LRGUK: variants seen among roughly 807,000 people sequenced by gnomAD.
LRGUK encodes the protein leucine-rich repeat and guanylate kinase domain-containing protein.
Under a neutral mutation model 76.0 loss-of-function variants are expected in LRGUK, and 65 were observed. That is an observed-to-expected ratio of 0.85 (90% CI 0.70 to 1.05). The LOEUF (loss-of-function observed/expected upper bound fraction) is 1.05, where lower values mean the gene tolerates loss of function less well. Among genes scored for constraint, LRGUK ranks in the 50% least tolerant of loss-of-function variants. The pLI is 0.00. For missense variants in LRGUK, 758 were observed against 732.8 expected (o/e 1.03, Z -0.40); for synonymous variants, 268 against 265.6 (o/e 1.01, Z -0.09).
At chr7:134,152,935 G>A (rs1301080168) in intron 5 of LRGUK, among the ~76,000 whole-genome samples, 1 of 133,884 alleles carries the variant, frequency 7.5e-6, no homozygotes, top group South Asian at 2.3e-4. Flanking sequence ...ATATAATTTA[G>A]GCATAAAACT....
chr7:134,167,951 C>T (rs893609088), intron 7 of LRGUK, among the ~76,000 whole-genome samples: 2 of 152,150 alleles, frequency 1.3e-5, no homozygotes, highest in African/African-American at 4.8e-5. Flanking sequence ...ATTCTAGTTT[C>T]ACATCTGTTA....
downstream of LRGUK, chr7:134,210,259 T>G (rs1331484558): frequency 5.0e-6 from 2 of 398,846 alleles, no homozygotes; most frequent in Non-Finnish European, 8.8e-6. Context: ...TAAGCTAGTA[T>G]TTCAGTGTGT....
intron 7 of LRGUK, among the ~76,000 whole-genome samples, chr7:134,171,154 TC>T (rs895677314): frequency 9.2e-5 from 14 of 151,452 alleles, no homozygotes; most frequent in African/African-American, 3.4e-4. Context: ...TTTTTCTTTT[TC>T]CCCCTTCTTA....
chr7:134,274,886 C>T, the LRGUK span, among the ~76,000 whole-genome samples: 1 of 152,036 alleles, frequency 6.6e-6, no homozygotes, highest in Non-Finnish European at 1.5e-5. Flanking sequence ...TTCTTTAACT[C>T]AATTCAAATC....
At chr7:134,200,004 A>C (rs1274347177) in intron 14 of LRGUK, among the ~76,000 whole-genome samples, 7 of 127,824 alleles carry the variant, frequency 5.5e-5, no homozygotes, top group African/African-American at 2.0e-4. Context: ...ATATATATAT[A>C]TATATATATA....
chr7:134,133,820 G>A (rs565665042), intron 1 of LRGUK, among the ~76,000 whole-genome samples: 12 of 152,170 alleles, frequency 7.9e-5, no homozygotes, highest in Non-Finnish European at 1.5e-4. Flanking sequence ...AGCACTTTGG[G>A]AGGCGGAAGT....
At chr7:134,249,412 ATGT>A (rs1424031828) in intron 18 of LRGUK, among the ~76,000 whole-genome samples, 1 of 152,070 alleles carries the variant, frequency 6.6e-6, no homozygotes, top group Non-Finnish European at 1.5e-5. Flanking sequence ...GCAGGCAATG[ATGT>A]TCTGCTAATC....
intron 5 of LRGUK, 60 bp downstream of exon 5, chr7:134,148,379 A>G (rs1585437547): frequency 2.1e-6 from 2 of 972,930 alleles, no homozygotes; most frequent in Non-Finnish European, 3.1e-6. Context: ...TAAAGACTAC[A>G]TATTCAAGAA....
intron 11 of LRGUK, among the ~76,000 whole-genome samples, chr7:134,190,172 TGTCA>T (rs1800140937): frequency 2.6e-5 from 4 of 152,170 alleles, no homozygotes; most frequent in Admixed American, 6.5e-5. Context: ...TGAAATAACA[TGTCA>T]AGTGTCTAGC....
chr7:134,160,383 C>T (rs1798673065), intron 6 of LRGUK, among the ~76,000 whole-genome samples: 1 of 152,144 alleles, frequency 6.6e-6, no homozygotes, highest in Non-Finnish European at 1.5e-5. Flanking sequence ...AACTAGAATA[C>T]ACAGAATATA....
intron 10 of LRGUK, among the ~76,000 whole-genome samples, chr7:134,182,045 C>T (rs1399049052): frequency 1.3e-5 from 2 of 152,182 alleles, no homozygotes; most frequent in African/African-American, 2.4e-5. Flanking sequence ...TAATCTGTCC[C>T]TGTCTCTATC....
intron 16 of LRGUK, among the ~76,000 whole-genome samples, chr7:134,242,828 A>C (rs1370655784): frequency 6.6e-6 from 1 of 152,222 alleles, no homozygotes; most frequent in Non-Finnish European, 1.5e-5. Context: ...AACCAAATTC[A>C]GCAGCACCTC....
chr7:134,211,445 T>C (rs1046012512), downstream of LRGUK, among the ~76,000 whole-genome samples: 1 of 152,228 alleles, frequency 6.6e-6, no homozygotes, highest in Admixed American at 6.5e-5. Context: ...AAAGAACTTT[T>C]GAGACAGGAA....
At chr7:134,240,815 T>C (rs1033824884) in intron 16 of LRGUK, among the ~76,000 whole-genome samples, 1 of 152,152 alleles carries the variant, frequency 6.6e-6, no homozygotes, top group African/African-American at 2.4e-5. Context: ...AAGGTCAGGT[T>C]ACCCACAAAG....
chr7:134,131,682 G>T (rs1038010143), intron 1 of LRGUK, among the ~76,000 whole-genome samples: 1 of 152,234 alleles, frequency 6.6e-6, no homozygotes, highest in Non-Finnish European at 1.5e-5. Flanking sequence ...TTGGAGGATT[G>T]TAATACTGGA....
chr7:134,134,705 G>A (rs2116810873), intron 1 of LRGUK, among the ~76,000 whole-genome samples: 1 of 152,280 alleles, frequency 6.6e-6, no homozygotes, highest in Middle Eastern at 3.4e-3. Context: ...AAAGTTTGGA[G>A]GGAAGGTAAC....
intron 7 of LRGUK, among the ~76,000 whole-genome samples, chr7:134,164,878 T>A (rs1454048977): frequency 6.6e-6 from 1 of 152,202 alleles, no homozygotes; most frequent in African/African-American, 2.4e-5. Context: ...CCTTGACTTG[T>A]ATATTAAGTT....
At chr7:134,245,858 A>G (rs1802287419) in intron 16 of LRGUK, among the ~76,000 whole-genome samples, 2 of 152,168 alleles carry the variant, frequency 1.3e-5, no homozygotes, top group Non-Finnish European at 2.9e-5. Flanking sequence ...ATTTTATAGT[A>G]AAGTCAAGCT....
chr7:134,226,555 G>A (rs1801769696), intron 16 of LRGUK, among the ~76,000 whole-genome samples: 1 of 152,154 alleles, frequency 6.6e-6, no homozygotes, highest in Non-Finnish European at 1.5e-5. Context: ...ACATGTTTAT[G>A]TGTGTATTTC....
Sources: gnomAD v4.1 joint callset for allele counts (sites outside exome capture counted in the v4.1 genomes callset) on GRCh38, gnomAD v4.1.1 for gene constraint, MANE v1.5 for transcripts, NCBI Gene and HGNC (gene_info 2026-07-23, HGNC 2026-07-21) for gene names.